Variants in TMEM45B observed in about 807,000 individuals in gnomAD.
TMEM45B encodes transmembrane protein 45B.
A neutral mutation model predicts 27.3 loss-of-function variants in TMEM45B; 29 were observed. That is an observed-to-expected ratio of 1.06 (90% CI 0.79 to 1.45). The LOEUF is 1.45. Ranked by LOEUF, TMEM45B falls within the 40% of genes most tolerant of loss-of-function variation. TMEM45B has a pLI of 0.00. For missense variants in TMEM45B, 348 were observed against 343.9 expected (o/e 1.01, Z -0.09); for synonymous variants, 143 against 134.7 (o/e 1.06, Z -0.43).
intron 1 of TMEM45B, among the ~76,000 whole-genome samples, chr11:129,822,178 G>T (rs557546913): frequency 2.0e-5 from 3 of 152,112 alleles, no homozygotes; most frequent in Admixed American, 1.3e-4. Context: ...TTGGCGAGAG[G>T]TGTGGTCTTC....
chr11:129,836,645 A>G (rs1468244197), intron 1 of TMEM45B, among the ~76,000 whole-genome samples: 1 of 152,160 alleles, frequency 6.6e-6, no homozygotes, highest in East Asian at 1.9e-4. Flanking sequence ...CCTTATAAGA[A>G]CACAGACACA....
intron 1 of TMEM45B, among the ~76,000 whole-genome samples, chr11:129,840,600 G>A (rs570965738): frequency 1.3e-5 from 2 of 152,046 alleles, no homozygotes; most frequent in East Asian, 1.9e-4. Context: ...AAAAGAAAGC[G>A]GGCTGGGCAC....
At position 129,854,496 on chromosome 11, in the gene TMEM45B, G is replaced by A. The variant is rs180774060; in HGVS notation, c.179-114G>A. 2.0e-4 allele frequency: 204 copies of A among 1,036,924 alleles called. 1 individual carries two copies. The East Asian group carries it at 4.9e-3, about 25-fold the overall frequency. The allele number at this position is 1,036,924 out of a possible 1,614,324, so 64.2% of individuals were successfully genotyped here. Reference sequence around the variant, plus strand: ...GCAAAGTAGCTCTGCTGACCCGCGGGCCACCCTCACCTCACCCCATCTCCG... The same window carrying A: ...GCAAAGTAGCTCTGCTGACCCGCGGACCACCCTCACCTCACCCCATCTCCG... On this transcript the variant is annotated intron_variant, in intron 2 of 5. Coordinates refer to ENST00000281441, the MANE Select transcript of TMEM45B (RefSeq NM_138788.5).
At chr11:129,826,236 CT>C (rs1565363325) in intron 1 of TMEM45B, among the ~76,000 whole-genome samples, 2 of 152,058 alleles carry the variant, frequency 1.3e-5, no homozygotes, top group Non-Finnish European at 1.5e-5. Flanking sequence ...TGGAGAGTCC[CT>C]CTTCCAAACT....
In TMEM45B at chr11:129,859,351, T is replaced by A. The variant is rs2135621162; in HGVS notation, c.*666T>A. 1 of 152,266 alleles carries A rather than the reference T, an allele frequency of 6.6e-6. No individual in the cohort carries two copies. The highest frequency in any genetic ancestry group is 1.5e-5 in the Non-Finnish European group (1 of 68,030). The allele number at this position is 152,266 out of a possible 1,614,324, so 9.4% of individuals were successfully genotyped here. On this transcript the variant is annotated 3_prime_UTR_variant, in exon 6 of 6. Transcript: ENST00000281441. Reference sequence around the variant, plus strand: ...CTGGCTCTACTGAGAGTTGGAGCCCTGATGTTCTGATTCTTCAAAGTCACC... The same window carrying A: ...CTGGCTCTACTGAGAGTTGGAGCCCAGATGTTCTGATTCTTCAAAGTCACC...
At chr11:129,834,829 A>AAG (rs1176799479) in intron 1 of TMEM45B, among the ~76,000 whole-genome samples, 1 of 143,336 alleles carries the variant, frequency 7.0e-6, no homozygotes, top group African/African-American at 2.7e-5. Flanking sequence ...AAAAAAAAAA[A>AAG]AGAGAGAGAA....
intron 4 of TMEM45B, 74 bp from the exon 5 acceptor site, chr11:129,857,238 TG>T (rs1181197156): frequency 3.2e-6 from 5 of 1,570,912 alleles, no homozygotes; most frequent in Non-Finnish European, 4.4e-6. Flanking sequence ...GCCACTTCGG[TG>T]GCCACAGGAG....
Position 129,848,070 on chromosome 11 carries a change from C to T in TMEM45B, c.-8-4405C>T, listed in dbSNP as rs1475073701. ...GCAGAGGGGCTCCTCACATCCCAGA[C>T]GATGGGCGGCCAGGCAGAGACACTC... is the stretch of plus-strand genomic sequence containing the variant. On this transcript the variant is annotated intron_variant, in intron 1 of 5. Transcript: ENST00000281441. Among the ~76,000 whole-genome samples the T allele has an allele frequency of 4.0e-3, 603 of 150,760 alleles. 5 individuals carry two copies. Among genetic ancestry groups the T allele is most frequent in the African/African-American group, 0.014 (555 of 40,972 alleles).
intron 1 of TMEM45B, among the ~76,000 whole-genome samples, chr11:129,846,283 C>T (rs886970909): frequency 2.6e-5 from 4 of 152,142 alleles, no homozygotes; most frequent in Admixed American, 1.3e-4. Context: ...GCCTGGTCAA[C>T]ATGGTGAAAC....
At chr11:129,839,477 A>G (rs1947663858) in intron 1 of TMEM45B, among the ~76,000 whole-genome samples, 1 of 152,238 alleles carries the variant, frequency 6.6e-6, no homozygotes, top group Non-Finnish European at 1.5e-5. Flanking sequence ...AATTTAAAAA[A>G]AAGGAAATAT....
At chr11:129,827,831 G>A (rs757193448) in intron 1 of TMEM45B, among the ~76,000 whole-genome samples, 8 of 152,044 alleles carry the variant, frequency 5.3e-5, no homozygotes, top group African/African-American at 1.4e-4. Context: ...TTAGCCGAGC[G>A]TGGTGGTGCA....
chr11:129,841,350 G>T (rs1378069374), intron 1 of TMEM45B, among the ~76,000 whole-genome samples: 1 of 152,190 alleles, frequency 6.6e-6, no homozygotes, highest in Non-Finnish European at 1.5e-5. Context: ...CCCACTTGGG[G>T]CAAGCAGCAG....
intron 1 of TMEM45B, among the ~76,000 whole-genome samples, chr11:129,825,720 T>C (rs691638): frequency 0.44 from 67,537 of 151,870 alleles, 15,844 homozygotes; most frequent in East Asian, 0.59. Context: ...AGCCCACTGG[T>C]AGTGGATGCT....
In TMEM45B at chr11:129,831,712, A is replaced by T. The variant is rs901728531; in HGVS notation, c.-9+15814A>T. Among the ~76,000 whole-genome samples, 3 of 152,340 alleles carry T rather than the reference A, an allele frequency of 2.0e-5. No homozygotes were observed. In the South Asian group the frequency reaches 6.2e-4, roughly 32 times the overall value. ...TTCATAACAATTCAAACGTCCATCT[A>T]CTAACAAGTGAATAAACAAAATGTG... On this transcript the variant is annotated intron_variant, in intron 1 of 5. Transcript: ENST00000281441.
rs1947983274 is a variant in TMEM45B at position 129,859,782 on chromosome 11, G to A, written c.*1097G>A. The A allele has an allele frequency of 6.6e-6, 1 of 152,196 alleles. No homozygotes were observed. The highest frequency in any genetic ancestry group is 2.1e-4 in the South Asian group (1 of 4,832). 9.4% of individuals were successfully genotyped at this position (152,196 alleles called of 1,614,324 possible). A position where few individuals can be genotyped will look rare whatever the true frequency, so the allele number is the denominator to read the frequency against. ...TGCAGTGAGCCCAGATCATGCCACT[G>A]TACTCCAGCCTAGGTGACAGAGCAA... On this transcript the variant is annotated 3_prime_UTR_variant, in exon 6 of 6. Transcript: ENST00000281441.
chr11:129,818,335 C>A (rs1308087735), intron 1 of TMEM45B, among the ~76,000 whole-genome samples: 2 of 152,226 alleles, frequency 1.3e-5, no homozygotes, highest in Non-Finnish European at 2.9e-5. Flanking sequence ...CAGAGTTCAA[C>A]TGAATATAGC....
chr11:129,816,509 T>A (rs2135544501), intron 1 of TMEM45B, among the ~76,000 whole-genome samples: 1 of 152,166 alleles, frequency 6.6e-6, no homozygotes, highest in African/African-American at 2.4e-5. Flanking sequence ...TAGCTTCCGT[T>A]AATGGAGCCA....
intron 1 of TMEM45B, among the ~76,000 whole-genome samples, chr11:129,838,881 C>T (rs1947656658): frequency 6.6e-6 from 1 of 152,204 alleles, no homozygotes; most frequent in Admixed American, 6.5e-5. Context: ...CTTTCCCCCT[C>T]TAAAATAAGG....
At chr11:129,849,585 C>T (rs931856682) in intron 1 of TMEM45B, among the ~76,000 whole-genome samples, 3 of 152,190 alleles carry the variant, frequency 2.0e-5, no homozygotes, top group Non-Finnish European at 4.4e-5. Context: ...GAGGTGGAGG[C>T]GGCCGTGCTC....
Sources: allele counts gnomAD v4.1 joint callset (sites outside exome capture counted in the v4.1 genomes callset), GRCh38; gene constraint gnomAD v4.1.1; transcripts MANE v1.5; gene names NCBI Gene and HGNC (gene_info 2026-07-23, HGNC 2026-07-21).